GALNT7: variants seen among roughly 807,000 people sequenced by gnomAD.
GALNT7 encodes the protein polypeptide N-acetylgalactosaminyltransferase 7, also known as N-acetylgalactosaminyltransferase 7.
Under a neutral mutation model 82.1 loss-of-function variants are expected in GALNT7, and 60 were observed. The ratio of observed to expected loss-of-function variants is 0.73; its 90% CI spans 0.59 to 0.91. GALNT7 has a LOEUF of 0.91. Among genes scored for constraint, GALNT7 ranks in the 40% least tolerant of loss-of-function variants. GALNT7 has a pLI of 0.00. For synonymous variants in GALNT7, 243 were observed against 275.1 expected (o/e 0.88, Z 1.15); for missense variants, 660 against 804.2 (o/e 0.82, Z 2.17).
At chr4:173,288,170 C>T (rs1579992545) in intron 2 of GALNT7, among the ~76,000 whole-genome samples, 1 of 149,802 alleles carries the variant, frequency 6.7e-6, no homozygotes, top group African/African-American at 2.5e-5. Context: ...GTAGTCCCAG[C>T]TACTCGGGAG....
chr4:173,188,018 A>G (rs950026168), intron 1 of GALNT7, among the ~76,000 whole-genome samples: 1 of 152,218 alleles, frequency 6.6e-6, no homozygotes, highest in Non-Finnish European at 1.5e-5. Flanking sequence ...TCTTAAATAC[A>G]TACAGACATT....
chr4:173,294,888 T>C (rs959016350), intron 3 of GALNT7, among the ~76,000 whole-genome samples: 2 of 152,200 alleles, frequency 1.3e-5, no homozygotes, highest in Admixed American at 6.5e-5. Flanking sequence ...GTGGGAACCA[T>C]ATTCATCATA....
At chr4:173,291,171 G>A (rs1476736621) in intron 2 of GALNT7, among the ~76,000 whole-genome samples, 9 of 152,116 alleles carry the variant, frequency 5.9e-5, no homozygotes, top group Non-Finnish European at 1.0e-4. Flanking sequence ...ACCCAGTTCT[G>A]CTGTTTTAAG....
intron 1 of GALNT7, among the ~76,000 whole-genome samples, chr4:173,236,089 A>G (rs1384748207): frequency 6.6e-6 from 1 of 152,212 alleles, no homozygotes; most frequent in East Asian, 1.9e-4. Flanking sequence ...AGGGCACAGC[A>G]ACAAGGGGAT....
intron 1 of GALNT7, among the ~76,000 whole-genome samples, chr4:173,207,841 A>C (rs1245954520): frequency 6.6e-6 from 1 of 152,224 alleles, no homozygotes; most frequent in Non-Finnish European, 1.5e-5. Flanking sequence ...TTTACCAATA[A>C]CTGAACACCT....
intron 7 of GALNT7, among the ~76,000 whole-genome samples, chr4:173,303,128 G>A (rs1329534699): frequency 6.6e-6 from 1 of 151,968 alleles, no homozygotes; most frequent in Non-Finnish European, 1.5e-5. Flanking sequence ...CTGGGAGGCG[G>A]AGATTGTAGT....
rs376620479 is a variant in GALNT7 at position 173,183,888 on chromosome 4, G to T, written c.126+14927G>T. On this transcript the variant is annotated intron_variant, in intron 1 of 11. Transcript: ENST00000265000. ...ACGCTCATCACTTCCCAGACGGGGC[G>T]GCTGCCGGGTGGAGGGGCTCCTCAC... Among the ~76,000 whole-genome samples, 7 of 151,846 alleles carry T rather than the reference G, an allele frequency of 4.6e-5. No homozygotes were observed. The East Asian group carries it at 1.4e-3, about 30-fold the overall frequency.
intron 2 of GALNT7, chr4:173,282,599 T>C (rs1354416878): frequency 6.6e-6 from 1 of 152,164 alleles, no homozygotes; most frequent in African/African-American, 2.4e-5. Context: ...GAGAGGAGCA[T>C]TGTGTGAGGA....
At chr4:173,253,772 G>T (rs1734930610) in intron 2 of GALNT7, among the ~76,000 whole-genome samples, 1 of 152,174 alleles carries the variant, frequency 6.6e-6, no homozygotes, top group Non-Finnish European at 1.5e-5. Context: ...GAACTGGTCT[G>T]CTGCCCGGTT....
At chr4:173,274,461 A>G (rs1735831184) in intron 2 of GALNT7, among the ~76,000 whole-genome samples, 1 of 152,198 alleles carries the variant, frequency 6.6e-6, no homozygotes, top group Admixed American at 6.5e-5. Flanking sequence ...AATTCTTAGT[A>G]AACTTGTAGG....
chr4:173,266,431 C>G (rs1022687178), intron 2 of GALNT7, among the ~76,000 whole-genome samples: 1 of 152,154 alleles, frequency 6.6e-6, no homozygotes, highest in Admixed American at 6.5e-5. Context: ...TCCAGGTCTT[C>G]TAGGACCGAC....
chr4:173,206,145 G>A (rs775964636), intron 1 of GALNT7, among the ~76,000 whole-genome samples: 2 of 152,226 alleles, frequency 1.3e-5, no homozygotes, highest in Non-Finnish European at 2.9e-5. Context: ...GGATAGCCTG[G>A]TGCTGGCTTT....
rs762038488 is a variant in GALNT7, at chr4:173,295,754, T to C, written c.886-10T>C. ...GAGGAGTATTCTTTCACCTGCCTCT[T>C]TTTTTTAAGGTTTTGATATACCTTG... On this transcript the variant is annotated splice_polypyrimidine_tract_variant and intron_variant, in intron 4 of 11. Transcript: ENST00000265000. The C allele has an allele frequency of 6.3e-7, 1 of 1,585,010 alleles. No homozygotes were observed.
intron 1 of GALNT7, among the ~76,000 whole-genome samples, chr4:173,217,856 A>G (rs1404187112): frequency 6.6e-6 from 1 of 152,222 alleles, no homozygotes; most frequent in Non-Finnish European, 1.5e-5. Flanking sequence ...ATAAACTTGC[A>G]TTGCAACCTT....
At chr4:173,235,132 CT>C (rs1450647186) in intron 1 of GALNT7, among the ~76,000 whole-genome samples, 14 of 152,226 alleles carry the variant, frequency 9.2e-5, no homozygotes, top group Admixed American at 7.9e-4. Flanking sequence ...ATCCAGACTA[CT>C]GCTGTCTATT....
At chr4:173,191,485 A>G (rs1732627502) in intron 1 of GALNT7, among the ~76,000 whole-genome samples, 2 of 152,214 alleles carry the variant, frequency 1.3e-5, no homozygotes, top group South Asian at 2.1e-4. Flanking sequence ...CAGATTCACA[A>G]AGCAAAATAT....
chr4:173,258,686 A>G (rs73872508), intron 2 of GALNT7, among the ~76,000 whole-genome samples: 3,627 of 152,284 alleles, frequency 0.024, 147 homozygotes, highest in African/African-American at 0.083. Context: ...TGGATGATGA[A>G]AGTGAGGCTC....
rs563512695 is a variant in GALNT7, at chr4:173,299,657, G to C, written c.1148+1360G>C. On this transcript the variant is annotated intron_variant, in intron 6 of 11. Transcript: ENST00000265000. ...AGGTCAGGAGTTCGAGATCAACCTT[G>C]CTAACATGGTGAAACCCCATTTCTA... is the stretch of plus-strand genomic sequence containing the variant. Among the ~76,000 whole-genome samples, 3 of 152,242 alleles carry C rather than the reference G, an allele frequency of 2.0e-5. No homozygotes were observed. In the South Asian group the frequency reaches 6.2e-4, roughly 32 times the overall value.
intron 2 of GALNT7, among the ~76,000 whole-genome samples, chr4:173,259,410 C>G (rs55661507): frequency 0.052 from 7,910 of 151,026 alleles, 584 homozygotes; most frequent in African/African-American, 0.17. Flanking sequence ...AACTCTTTCT[C>G]TCTTCTCCCT....
Sources: allele counts gnomAD v4.1 joint callset (sites outside exome capture counted in the v4.1 genomes callset), GRCh38; gene constraint gnomAD v4.1.1; transcripts MANE v1.5; gene names NCBI Gene and HGNC (gene_info 2026-07-23, HGNC 2026-07-21).